The following ANGPT2 variants were observed in gnomAD, a reference collection of about 807,000 sequenced individuals.
ANGPT2 encodes the protein angiopoietin 2.
ANGPT2 carries 28 observed loss-of-function variants against 62.9 expected under a neutral mutation model. The ratio of observed to expected loss-of-function variants is 0.44; its 90% CI spans 0.33 to 0.61. The LOEUF (loss-of-function observed/expected upper bound fraction) is 0.61. ANGPT2 is among the 20% of genes least tolerant of loss of function. The probability of loss-of-function intolerance (pLI) is 0.03; values close to 1 mark genes in which losing one functional copy is unlikely to be tolerated. For synonymous variants in ANGPT2, 284 were observed against 207.8 expected (o/e 1.37, Z -3.15); for missense variants, 727 against 594.9 (o/e 1.22, Z -2.31).
intron 1 of ANGPT2, among the ~76,000 whole-genome samples, chr8:6,550,016 C>G (rs950276980): frequency 6.6e-6 from 1 of 152,156 alleles, no homozygotes; most frequent in Non-Finnish European, 1.5e-5. Flanking sequence ...CATTCGGGGA[C>G]GGGGGACGTG....
At position 6,555,572 on chromosome 8, in the gene ANGPT2, C is replaced by T. The variant is rs564639359; in HGVS notation, c.288+7075G>A. ...TGCCTCCTGGGTTCAAATGATCCAC[C>T]CACCTCATCCTCCTGAGTAGCTGAG... On this transcript the variant is annotated intron_variant, in intron 1 of 8. Transcript: ENST00000629816. Among the ~76,000 whole-genome samples the T allele has an allele frequency of 2.0e-5, 3 of 151,954 alleles. No homozygotes were observed. The South Asian group carries it at 6.2e-4, about 32-fold the overall frequency.
Position 6,514,782 on chromosome 8 carries a change from C to T in ANGPT2, c.928-4G>A. ...CAGCTTCCATGTCACAGTAGGCCTG[C>T]AAACAGGAATGCAGGGTATAAGTGA... On this transcript the variant is annotated splice_region_variant and splice_polypyrimidine_tract_variant and intron_variant, in intron 5 of 8. Transcript: ENST00000629816. 6.2e-7 allele frequency: 1 copy of T among 1,613,554 alleles called. No homozygotes were observed. Among genetic ancestry groups the T allele is most frequent in the Admixed American group, 1.7e-5 (1 of 60,016 alleles).
intron 8 of ANGPT2, among the ~76,000 whole-genome samples, chr8:6,506,791 T>C (rs1813811445): frequency 6.6e-6 from 1 of 152,094 alleles, no homozygotes; most frequent in Admixed American, 6.5e-5. Flanking sequence ...TTTTTTTTTT[T>C]TTAATGAGGC....
chr8:6,544,545 G>C (rs1822194274), intron 1 of ANGPT2, among the ~76,000 whole-genome samples: 1 of 152,182 alleles, frequency 6.6e-6, no homozygotes, highest in Non-Finnish European at 1.5e-5. Flanking sequence ...TTTTCGGAGA[G>C]AGTTTGTCGA....
intron 1 of ANGPT2, among the ~76,000 whole-genome samples, chr8:6,544,210 T>C (rs891296641): frequency 1.3e-5 from 2 of 152,230 alleles, no homozygotes; most frequent in Admixed American, 6.5e-5. Context: ...ATTTCAAATG[T>C]TGATAGTGAA....
intron 2 of ANGPT2, among the ~76,000 whole-genome samples, chr8:6,531,870 C>T (rs1347412641): frequency 6.6e-6 from 1 of 152,186 alleles, no homozygotes; most frequent in African/African-American, 2.4e-5. Context: ...AAACTCATTC[C>T]ACAGGCTGTG....
intron 1 of ANGPT2, among the ~76,000 whole-genome samples, chr8:6,545,683 T>C (rs1430550573): frequency 6.6e-6 from 1 of 152,206 alleles, no homozygotes; most frequent in Non-Finnish European, 1.5e-5. Context: ...GTGGTTCCCA[T>C]TAGTCTAAAA....
intron 8 of ANGPT2, among the ~76,000 whole-genome samples, chr8:6,505,992 A>G (rs994645360): frequency 8.5e-6 from 1 of 117,264 alleles, no homozygotes; most frequent in African/African-American, 4.1e-5. Context: ...ATATAAAAAC[A>G]TATACATATT....
intron 5 of ANGPT2, among the ~76,000 whole-genome samples, chr8:6,519,591 T>C (rs1289567838): frequency 1.3e-5 from 2 of 152,230 alleles, no homozygotes; most frequent in African/African-American, 4.8e-5. Context: ...GTATGCATTA[T>C]TCAAGCAAAA....
chr8:6,537,828 A>G (rs900940680), intron 1 of ANGPT2, among the ~76,000 whole-genome samples: 2 of 152,102 alleles, frequency 1.3e-5, no homozygotes, highest in African/African-American at 4.8e-5. Flanking sequence ...ACTATCCCCA[A>G]CTTGGAGATT....
In ANGPT2 at chr8:6,520,767, T is replaced by G. The variant is rs188533992; in HGVS notation, c.799+411A>C. ...GGAAGGCAAAATGTGCTTAAGAACC[T>G]GGCAAGATAAGGGAACTAGCATCTC... On this transcript the variant is annotated intron_variant, in intron 4 of 8. Coordinates refer to ENST00000629816, the MANE Select transcript of ANGPT2 (RefSeq NM_001118887.2). Among the ~76,000 whole-genome samples the G allele has an allele frequency of 3.0e-4, 46 of 152,328 alleles. 2 individuals are homozygous for G. The highest frequency in any genetic ancestry group is 1.1e-3 in the African/African-American group (45 of 41,576).
chr8:6,551,077 G>A (rs1243390300), intron 1 of ANGPT2, among the ~76,000 whole-genome samples: 1 of 152,158 alleles, frequency 6.6e-6, no homozygotes, highest in Non-Finnish European at 1.5e-5. Flanking sequence ...GCTAGGTAAG[G>A]GATTTCCTTG....
chr8:6,527,310 G>A (rs552180103), intron 3 of ANGPT2, among the ~76,000 whole-genome samples: 8 of 152,292 alleles, frequency 5.3e-5, no homozygotes, highest in Non-Finnish European at 1.2e-4. Flanking sequence ...GGGTTTGGAG[G>A]ATTACTCTAA....
intron 8 of ANGPT2, among the ~76,000 whole-genome samples, chr8:6,504,627 C>T (rs968639555): frequency 2.0e-5 from 3 of 152,028 alleles, no homozygotes; most frequent in Non-Finnish European, 4.4e-5. Flanking sequence ...AAAGTGCTTC[C>T]TTTAAGTGAA....
chr8:6,523,203 T>A (rs1419234673), intron 3 of ANGPT2, among the ~76,000 whole-genome samples: 1 of 152,154 alleles, frequency 6.6e-6, no homozygotes, highest in Non-Finnish European at 1.5e-5. Context: ...TTTACCGTGT[T>A]AGCCAGGGTG....
intron 1 of ANGPT2, among the ~76,000 whole-genome samples, chr8:6,551,791 G>A (rs2922867): frequency 0.13 from 20,391 of 152,130 alleles, 3,737 homozygotes; most frequent in African/African-American, 0.42. Flanking sequence ...TTGTGGTTGG[G>A]ATTTGATGGT....
rs141841363 is a variant in ANGPT2 at position 6,517,459 on chromosome 8, G to A, written c.927+2405C>T. 2.3e-3 allele frequency among the ~76,000 whole-genome samples: 357 copies of A among 152,312 alleles called. 3 individuals are homozygous for A. The highest frequency in any genetic ancestry group is 8.3e-3 in the African/African-American group (343 of 41,568). ...AATGCCATCTTGCAGTCTCTCTCTC[G>A]TAGAAGAACCAAATGAATTTTTCAA... On this transcript the variant is annotated intron_variant, in intron 5 of 8. Coordinates refer to ENST00000629816, the MANE Select transcript of ANGPT2 (RefSeq NM_001118887.2).
chr8:6,540,423 A>G (rs1329761601), intron 1 of ANGPT2, among the ~76,000 whole-genome samples: 3 of 152,196 alleles, frequency 2.0e-5, no homozygotes, highest in African/African-American at 4.8e-5. Context: ...TGGGCATTTC[A>G]TATGCAAAAG....
rs1434261997 is a variant in ANGPT2 at position 6,521,368 on chromosome 8, G to T, written c.609C>A (p.Ile203=). Residue 203 remains isoleucine, a synonymous_variant, in exon 4 of 9, where the codon ATC becomes ATA. Transcript: ENST00000629816. ...CTTCTTTTATTGACTGTAGTTGGATGATGTGCTTGTCTTCCATAGCTAGCA... is the reference window on the plus strand; with the variant it reads ...CTTCTTTTATTGACTGTAGTTGGATTATGTGCTTGTCTTCCATAGCTAGCA... The part of the protein sequence containing the change: ...KKVLAMEDKH[I]IQLQSIKEEK... 1 of 1,613,534 alleles carries T rather than the reference G, an allele frequency of 6.2e-7. No homozygotes were observed. The highest frequency in any genetic ancestry group is 1.7e-5 in the Admixed American group (1 of 60,002).
Sources: gnomAD v4.1 joint callset for allele counts (sites outside exome capture counted in the v4.1 genomes callset) on GRCh38, gnomAD v4.1.1 for gene constraint, MANE v1.5 for transcripts, NCBI Gene and HGNC (gene_info 2026-07-23, HGNC 2026-07-21) for gene names.